The following MACROD2 variants were observed in gnomAD, a reference collection of about 807,000 sequenced individuals.
MACROD2 encodes the protein mono-ADP ribosylhydrolase 2.
In MACROD2, 36 loss-of-function variants were observed where a neutral mutation model predicts 70.4. The ratio of observed to expected loss-of-function variants is 0.51; its 90% CI spans 0.39 to 0.68. MACROD2 has a LOEUF of 0.68. MACROD2 is among the 30% of genes least tolerant of loss of function. The pLI is 0.00. For synonymous variants in MACROD2, 172 were observed against 178.8 expected (o/e 0.96, Z 0.30); for missense variants, 496 against 538.4 (o/e 0.92, Z 0.78).
In MACROD2 at chr20:14,705,264, T is replaced by C. The variant is rs527928995; in HGVS notation, c.418+20305T>C. Among the ~76,000 whole-genome samples, 4 of 152,258 alleles carry C rather than the reference T, an allele frequency of 2.6e-5. 1 individual carries two copies. The Middle Eastern group carries it at 0.014, about 518-fold the overall frequency. ...TCTCCGTTCGTCTCACCTACATTCATGTTCGTACTTTTTATGTCCCTTCCC... is the reference window on the plus strand; with the variant it reads ...TCTCCGTTCGTCTCACCTACATTCACGTTCGTACTTTTTATGTCCCTTCCC... On this transcript the variant is annotated intron_variant, in intron 5 of 17. Coordinates refer to ENST00000684519, the MANE Select transcript of MACROD2 (RefSeq NM_001351661.2).
intron 5 of MACROD2, among the ~76,000 whole-genome samples, chr20:14,714,927 C>A (rs1003258361): frequency 6.6e-6 from 1 of 152,180 alleles, no homozygotes; most frequent in Non-Finnish European, 1.5e-5. Context: ...ATTCAAGAAT[C>A]TAGCTCTTAG....
intron 7 of MACROD2, among the ~76,000 whole-genome samples, chr20:15,435,987 T>C (rs967977497): frequency 6.6e-6 from 1 of 152,120 alleles, no homozygotes. Context: ...TGTTTTTTGG[T>C]AAATTTACAA....
intron 8 of MACROD2, among the ~76,000 whole-genome samples, chr20:15,628,988 T>C (rs759971669): frequency 1.3e-5 from 2 of 152,258 alleles, no homozygotes; most frequent in Non-Finnish European, 1.5e-5. Flanking sequence ...GTAAATATAC[T>C]ACATTTTAAT....
intron 6 of MACROD2, among the ~76,000 whole-genome samples, chr20:15,252,598 G>A: frequency 6.6e-6 from 1 of 152,168 alleles, no homozygotes; most frequent in East Asian, 1.9e-4. Context: ...AGGACAGGGA[G>A]ACAAAGAGGG....
chr20:14,113,503 A>T (rs2054478066), intron 3 of MACROD2, among the ~76,000 whole-genome samples: 1 of 152,040 alleles, frequency 6.6e-6, no homozygotes, highest in Non-Finnish European at 1.5e-5. Context: ...TCTCTACATA[A>T]ATAGCTTGTT....
intron 5 of MACROD2, among the ~76,000 whole-genome samples, chr20:14,711,600 A>G (rs1179764122): frequency 1.3e-5 from 2 of 152,142 alleles, no homozygotes; most frequent in Non-Finnish European, 2.9e-5. Context: ...TTTCCTTTAC[A>G]AAACTAACGA....
At chr20:14,247,966 A>G (rs997973647) in intron 3 of MACROD2, among the ~76,000 whole-genome samples, 6 of 152,216 alleles carry the variant, frequency 3.9e-5, no homozygotes, top group South Asian at 2.1e-4. Context: ...TCATAGGTGG[A>G]GACTGAAAGC....
chr20:14,828,288 C>A (rs1426290128), intron 5 of MACROD2, among the ~76,000 whole-genome samples: 3 of 152,086 alleles, frequency 2.0e-5, no homozygotes, highest in Non-Finnish European at 2.9e-5. Flanking sequence ...AAAAACGTTT[C>A]TTTGACCATT....
intron 8 of MACROD2, among the ~76,000 whole-genome samples, chr20:15,772,801 T>C (rs1034390826): frequency 4.6e-5 from 7 of 152,104 alleles, no homozygotes; most frequent in Non-Finnish European, 5.9e-5. Flanking sequence ...AACTTACTCA[T>C]ATAATCAAAT....
At chr20:14,798,848 A>G (rs962547847) in intron 5 of MACROD2, among the ~76,000 whole-genome samples, 2 of 151,946 alleles carry the variant, frequency 1.3e-5, no homozygotes, top group East Asian at 1.9e-4. Context: ...TTAATTTTTC[A>G]TTGTGATTTG....
intron 8 of MACROD2, among the ~76,000 whole-genome samples, chr20:15,575,827 C>G (rs77704060): frequency 6.6e-6 from 1 of 152,060 alleles, no homozygotes; most frequent in Non-Finnish European, 1.5e-5. Flanking sequence ...AACAGTCCCC[C>G]GTGTCTCTTT....
chr20:15,228,373 C>G (rs1029802800), intron 5 of MACROD2, among the ~76,000 whole-genome samples: 2 of 152,068 alleles, frequency 1.3e-5, no homozygotes, highest in Admixed American at 6.6e-5. Flanking sequence ...GGTTTAAATA[C>G]TGTTTCAGAA....
intron 5 of MACROD2, among the ~76,000 whole-genome samples, chr20:14,908,240 T>C (rs1461573940): frequency 2.6e-5 from 4 of 151,892 alleles, no homozygotes; most frequent in Non-Finnish European, 5.9e-5. Context: ...ACTCAGGAGG[T>C]TGAGGCAGGA....
intron 4 of MACROD2, among the ~76,000 whole-genome samples, chr20:14,596,114 C>G (rs1033838082): frequency 5.7e-4 from 86 of 151,666 alleles, no homozygotes; most frequent in African/African-American, 1.8e-3. Context: ...TAGACGGAGT[C>G]GCCCTCTGTG....
chr20:14,827,770 A>G (rs932747341), intron 5 of MACROD2, among the ~76,000 whole-genome samples: 4 of 151,952 alleles, frequency 2.6e-5, no homozygotes, highest in Non-Finnish European at 5.9e-5. Context: ...TATTCAGAGT[A>G]TTGGAGGTTA....
At chr20:14,168,367 T>C (rs562539147) in intron 3 of MACROD2, among the ~76,000 whole-genome samples, 7 of 152,346 alleles carry the variant, frequency 4.6e-5, no homozygotes, top group African/African-American at 1.4e-4. Context: ...ATGGATGTCT[T>C]TTAAAAAATC....
intron 5 of MACROD2, among the ~76,000 whole-genome samples, chr20:14,972,947 A>T (rs2074705141): frequency 6.6e-6 from 1 of 152,210 alleles, no homozygotes; most frequent in African/African-American, 2.4e-5. Flanking sequence ...AGACAAGTTG[A>T]TATAGAAGCT....
intron 8 of MACROD2, among the ~76,000 whole-genome samples, chr20:15,837,828 A>T (rs1261954470): frequency 6.6e-6 from 1 of 151,908 alleles, no homozygotes; most frequent in Admixed American, 6.6e-5. Flanking sequence ...GTTGGTCCTA[A>T]CCTCCTGTTT....
At chr20:15,210,412 G>A (rs1303287565) in intron 5 of MACROD2, among the ~76,000 whole-genome samples, 7 of 152,066 alleles carry the variant, frequency 4.6e-5, no homozygotes, top group African/African-American at 1.2e-4. Context: ...ATTGCCTTCC[G>A]TGTTTTGCAT....
Sources: allele counts gnomAD v4.1 joint callset (sites outside exome capture counted in the v4.1 genomes callset), GRCh38; gene constraint gnomAD v4.1.1; transcripts MANE v1.5; gene names NCBI Gene and HGNC (gene_info 2026-07-23, HGNC 2026-07-21).